NUCKS1: variants seen among roughly 807,000 people sequenced by gnomAD.
The protein encoded by NUCKS1 is nuclear casein kinase and cyclin dependent kinase substrate 1, also known as nuclear ubiquitous casein and cyclin-dependent kinase substrate 1.
Under a neutral mutation model 33.0 loss-of-function variants are expected in NUCKS1, and 2 were observed. The ratio of observed to expected loss-of-function variants is 0.06; its 90% confidence interval spans 0.02 to 0.19. The LOEUF (loss-of-function observed/expected upper bound fraction) is 0.19. Ranked by LOEUF, NUCKS1 falls within the 10% of genes least tolerant of loss-of-function variation. NUCKS1 has a pLI of 1.00. For missense variants in NUCKS1, 201 were observed against 293.6 expected, an observed-to-expected ratio of 0.68 and a Z score of 2.31; for synonymous variants, 106 against 102.8, an observed-to-expected ratio of 1.03 and a Z score of -0.19.
At chr1:205,738,109 T>C (rs984704727) in intron 1 of NUCKS1, among the ~76,000 whole-genome samples, 2 of 151,812 alleles carry the variant, frequency 1.3e-5, no homozygotes, top group Non-Finnish European at 2.9e-5. Context: ...CACTGCAACC[T>C]CTACCTCCCG....
Position 205,715,651 on chromosome 1 carries a change from GA to G in NUCKS1, c.*2628del, listed in dbSNP as rs1307154253. The G allele has an allele frequency of 1.3e-5, 2 of 152,236 alleles. No individual in the cohort carries two copies. The highest frequency in any genetic ancestry group is 2.9e-5 in the Non-Finnish European group (2 of 68,046). 9.4% of individuals were successfully genotyped at this position (152,236 alleles called of 1,614,324 possible). The stretch of plus-strand genomic sequence containing the variant: ...TGTAGTGTCAGTCAGCATAGCTGCT[GA>G]AATCTACGTTGTAGAGGTAAACCTA... On this transcript the variant is annotated 3_prime_UTR_variant, in exon 7 of 7. Transcript: ENST00000367142.
At chr1:205,725,571 A>G (rs1358421935) in intron 3 of NUCKS1, among the ~76,000 whole-genome samples, 1 of 152,182 alleles carries the variant, frequency 6.6e-6, no homozygotes, top group African/African-American at 2.4e-5. Flanking sequence ...GAATTATATT[A>G]TTTTTTCCAG....
intron 1 of NUCKS1, among the ~76,000 whole-genome samples, chr1:205,736,125 A>T (rs1036020686): frequency 6.4e-4 from 97 of 151,456 alleles, no homozygotes; most frequent in Middle Eastern, 3.4e-3. Flanking sequence ...TAAATTAAAA[A>T]TTTTTTTTTG....
chr1:205,717,569 T>C lies in NUCKS1; in HGVS notation c.*711A>G. On this transcript the variant is annotated 3_prime_UTR_variant, in exon 7 of 7. Coordinates refer to ENST00000367142, the MANE Select transcript of NUCKS1 (RefSeq NM_022731.5). ...TCACTGGCTCCGAGTCTCTTTGAGA[T>C]AACAAGTGATGAAATAAAAAAGAAA... is the stretch of plus-strand genomic sequence containing the variant. 2.0e-6 allele frequency: 2 copies of C among 984,928 alleles called. No homozygotes were observed. The highest frequency in any genetic ancestry group is 2.4e-6 in the Non-Finnish European group (2 of 829,984). 61.0% of individuals were successfully genotyped at this position (984,928 alleles called of 1,614,324 possible).
chr1:205,720,798 T>C, intron 4 of NUCKS1, 145 bp from the exon 5 acceptor site: 1 of 810,824 alleles, frequency 1.2e-6, no homozygotes, highest in Non-Finnish European at 1.9e-6. Flanking sequence ...TGCAGCTTTA[T>C]TTCATTGTAA....
intron 1 of NUCKS1, among the ~76,000 whole-genome samples, chr1:205,749,038 G>A (rs1378700059): frequency 6.6e-6 from 1 of 152,104 alleles, no homozygotes; most frequent in East Asian, 1.9e-4. Flanking sequence ...CGAGAATGAA[G>A]TCTGATGGTT....
At chr1:205,744,737 A>G (rs1304042556) in intron 1 of NUCKS1, among the ~76,000 whole-genome samples, 1 of 144,232 alleles carries the variant, frequency 6.9e-6, no homozygotes. Flanking sequence ...GGTTCAAGCG[A>G]TTCTCCTGCC....
chr1:205,723,860 T>C (rs1558050440), intron 4 of NUCKS1, 66 bp downstream of exon 4: 1 of 1,181,860 alleles, frequency 8.5e-7, no homozygotes, highest in Non-Finnish European at 1.2e-6. Context: ...AAATCACTTA[T>C]TAAAACATCT....
chr1:205,750,043 G>GCCCCCCCCCCCCCC lies in NUCKS1; in HGVS notation c.-71_-70insGGGGGGGGGGGGGG. ...ACCCCCCCCACCCCGCGCGCTCGGC[G>GCCCCCCCCCCCCCC]CCCCACCCCCCCCGAACTTCAGCCG... On this transcript the variant is annotated 5_prime_UTR_variant, in exon 1 of 7. Coordinates refer to ENST00000367142, the MANE Select transcript of NUCKS1 (RefSeq NM_022731.5). The GCCCCCCCCCCCCCC allele has an allele frequency of 1.6e-6, 2 of 1,271,646 alleles. No homozygotes were observed. The highest frequency in any genetic ancestry group is 3.8e-5 in the South Asian group (2 of 53,174). 78.8% of individuals were successfully genotyped at this position (1,271,646 alleles called of 1,614,324 possible). A position where few individuals can be genotyped will look rare whatever the true frequency, so the allele number is the denominator to read the frequency against.
intron 1 of NUCKS1, among the ~76,000 whole-genome samples, chr1:205,744,025 C>T (rs1654248869): frequency 6.6e-6 from 1 of 152,220 alleles, no homozygotes. Context: ...AAGGTTCACA[C>T]TAAATACTCC....
intron 1 of NUCKS1, among the ~76,000 whole-genome samples, chr1:205,742,434 G>A (rs1654199071): frequency 6.6e-6 from 1 of 152,166 alleles, no homozygotes; most frequent in African/African-American, 2.4e-5. Context: ...ATAACGATTA[G>A]TTTCACTTCC....
At chr1:205,739,994 T>C (rs1172692113) in intron 1 of NUCKS1, among the ~76,000 whole-genome samples, 1 of 116,180 alleles carries the variant, frequency 8.6e-6, no homozygotes, top group Non-Finnish European at 1.8e-5. Flanking sequence ...CTATTTACTT[T>C]AGGTTTTTTT....
Position 205,717,236 on chromosome 1 carries a change from TA to T in NUCKS1, c.*1043del. 1 of 855,994 alleles carries T rather than the reference TA, an allele frequency of 1.2e-6. No individual in the cohort carries two copies. Among genetic ancestry groups the T allele is most frequent in the Non-Finnish European group, 1.4e-6 (1 of 710,154 alleles). The allele number at this position is 855,994 out of a possible 1,614,324, so 53.0% of individuals were successfully genotyped here. On this transcript the variant is annotated 3_prime_UTR_variant, in exon 7 of 7. Coordinates refer to ENST00000367142, the MANE Select transcript of NUCKS1 (RefSeq NM_022731.5). The stretch of plus-strand genomic sequence containing the variant: ...GGGACCTGAATGCACATTTATAGCA[TA>T]AAAGAATGTCAATTCTATTTCATAA...
chr1:205,742,777 A>G (rs1051186497), intron 1 of NUCKS1, among the ~76,000 whole-genome samples: 17 of 152,216 alleles, frequency 1.1e-4, no homozygotes, highest in Admixed American at 3.3e-4. Flanking sequence ...GTGAGCCGAG[A>G]TCGCTCCACT....
chr1:205,729,655 A>C, intron 1 of NUCKS1, 34 bp from the exon 2 acceptor site: 4 of 1,470,024 alleles, frequency 2.7e-6, no homozygotes, highest in South Asian at 1.1e-5. Flanking sequence ...TAAAATCATA[A>C]AACTGTAGGA....
intron 3 of NUCKS1, among the ~76,000 whole-genome samples, chr1:205,725,241 T>G (rs1653724224): frequency 6.6e-6 from 1 of 152,200 alleles, no homozygotes; most frequent in Admixed American, 6.5e-5. Flanking sequence ...CTTGGTATTC[T>G]TCAATGCTAC....
Position 205,719,607 on chromosome 1 carries a change from T to A in NUCKS1, c.452A>T (p.Lys151Met). ...CTTCTTAACCATCTTTTTGTTTTTC[T>A]TTTTCGAACTGCCATAGTCACTATC... ...DDDSDYGSSKKKNKKMVKKSK... is the reference protein window; with the variant it reads ...DDDSDYGSSKMKNKKMVKKSK... Residue 151 changes from lysine (K) to methionine (M), a missense_variant, in exon 6 of 7, where the codon AAG becomes ATG. Lys to Met is a moderately conservative substitution (Grantham distance 95, BLOSUM62 -1). Coordinates refer to ENST00000367142, the MANE Select transcript of NUCKS1 (RefSeq NM_022731.5). 1 of 1,613,954 alleles carries A rather than the reference T, an allele frequency of 6.2e-7. No individual in the cohort carries two copies. Among genetic ancestry groups the A allele is most frequent in the Non-Finnish European group, 8.5e-7 (1 of 1,179,920 alleles).
intron 4 of NUCKS1, among the ~76,000 whole-genome samples, chr1:205,723,550 C>T (rs1031030037): frequency 6.6e-6 from 1 of 152,030 alleles, no homozygotes; most frequent in African/African-American, 2.4e-5. Flanking sequence ...TTTTATGCCC[C>T]TATTTTACCA....
rs752476044 is a variant in NUCKS1 at position 205,717,496 on chromosome 1, CTTTT to C, written c.*780_*783del. 3.2e-5 allele frequency: 30 copies of C among 951,418 alleles called. No individual in the cohort carries two copies. The highest frequency in any genetic ancestry group is 3.3e-5 in the Non-Finnish European group (27 of 809,728). 58.9% of individuals were successfully genotyped at this position (951,418 alleles called of 1,614,324 possible). A position where few individuals can be genotyped will look rare whatever the true frequency, so the allele number is the denominator to read the frequency against. On this transcript the variant is annotated 3_prime_UTR_variant, in exon 7 of 7. Coordinates refer to ENST00000367142, the MANE Select transcript of NUCKS1 (RefSeq NM_022731.5). ...AAATCAAGAGTTTTGGCAGCCCCTG[CTTTT>C]TTTTTTTTTTTAGCTCCCTAAAGAC...
Sources: gnomAD v4.1 joint callset for allele counts (sites outside exome capture counted in the v4.1 genomes callset) on GRCh38, gnomAD v4.1.1 for gene constraint, MANE v1.5 for transcripts, NCBI Gene and HGNC (gene_info 2026-07-23, HGNC 2026-07-21) for gene names.